Variants in CDYL observed in about 807,000 individuals in gnomAD.
CDYL encodes chromodomain Y-like protein.
Under a neutral mutation model 47.3 loss-of-function variants are expected in CDYL, and 8 were observed. The ratio of observed to expected loss-of-function variants is 0.17; its 90% CI spans 0.10 to 0.31. CDYL has a LOEUF of 0.31. Ranked by LOEUF, CDYL falls within the 10% of genes least tolerant of loss-of-function variation. The pLI, the probability that CDYL is intolerant of heterozygous loss-of-function variation, is 1.00. For missense variants in CDYL, 471 were observed against 701.4 expected (o/e 0.67, Z 3.71); for synonymous variants, 266 against 265.0 (o/e 1.00, Z -0.04).
intron 3 of CDYL, among the ~76,000 whole-genome samples, chr6:4,752,916 A>G (rs774039472): frequency 7.9e-5 from 12 of 151,158 alleles, no homozygotes; most frequent in Non-Finnish European, 1.3e-4. Flanking sequence ...AGGTAGATAG[A>G]TAGATAGATT....
intron 1 of CDYL, among the ~76,000 whole-genome samples, chr6:4,831,780 A>G (rs1462230689): frequency 6.6e-6 from 1 of 152,196 alleles, no homozygotes; most frequent in African/African-American, 2.4e-5. Flanking sequence ...CTCCTTGAAG[A>G]GACCCTTCAC....
In CDYL at chr6:4,954,091, G is replaced by A. The variant is rs550926778; in HGVS notation, c.*35G>A. ...TGCCCACTGGTGACACCGGGATCGGGCTGAGCAGGAGAACATCACCGGCTC... is the reference window on the plus strand; with the variant it reads ...TGCCCACTGGTGACACCGGGATCGGACTGAGCAGGAGAACATCACCGGCTC... On this transcript the variant is annotated 3_prime_UTR_variant, in exon 7 of 7. Coordinates refer to ENST00000397588, the MANE Select transcript of CDYL (RefSeq NM_004824.4). 2 of 1,598,500 alleles carry A rather than the reference G, an allele frequency of 1.3e-6. No individual in the cohort carries two copies. The highest frequency in any genetic ancestry group is 1.7e-6 in the Non-Finnish European group (2 of 1,170,234).
chr6:4,953,009 TCCAC>T (rs1409451889), intron 6 of CDYL, among the ~76,000 whole-genome samples: 1 of 150,980 alleles, frequency 6.6e-6, no homozygotes, highest in Non-Finnish European at 1.5e-5. Flanking sequence ...CTCAAGTTGA[TCCAC>T]CCACCTCAGC....
At chr6:4,912,734 G>A (rs976665782) in intron 2 of CDYL, among the ~76,000 whole-genome samples, 6 of 152,200 alleles carry the variant, frequency 3.9e-5, no homozygotes, top group African/African-American at 1.4e-4. Context: ...GAGCCTCTTT[G>A]CTGGTGAGGA....
intron 1 of CDYL, among the ~76,000 whole-genome samples, chr6:4,828,373 T>G (rs1489626664): frequency 6.7e-6 from 1 of 150,316 alleles, no homozygotes; most frequent in African/African-American, 2.4e-5. Flanking sequence ...ATCTCCTGCC[T>G]CAGCCTCCCA....
chr6:4,868,641 A>T (rs548563648), intron 1 of CDYL, among the ~76,000 whole-genome samples: 9 of 152,316 alleles, frequency 5.9e-5, no homozygotes, highest in African/African-American at 2.2e-4. Context: ...TATAAATTTC[A>T]GAATGAGTTG....
At chr6:4,747,837 C>G (rs6903287) in intron 3 of CDYL, among the ~76,000 whole-genome samples, 21,401 of 152,190 alleles carry the variant, frequency 0.14, 2,837 homozygotes, top group African/African-American at 0.35. Context: ...GACTTCTTCA[C>G]CATGTTCCCA....
intron 1 of CDYL, among the ~76,000 whole-genome samples, chr6:4,886,445 G>A (rs927751827): frequency 7.9e-5 from 12 of 152,288 alleles, no homozygotes; most frequent in Admixed American, 7.8e-4. Flanking sequence ...CCCGCATTGT[G>A]GTTGTGATGT....
chr6:4,870,796 G>A (rs146150711), intron 1 of CDYL, among the ~76,000 whole-genome samples: 74 of 151,982 alleles, frequency 4.9e-4, no homozygotes, highest in African/African-American at 1.4e-3. Flanking sequence ...GTCCATCATT[G>A]GATTTTTAAA....
chr6:4,891,935 ATC>A lies in CDYL; in HGVS notation c.250_251del (p.Ser84GlnfsTer9). On this transcript the variant is annotated frameshift_variant, in exon 2 of 7. Transcript: ENST00000397588. LOFTEE classifies it high-confidence loss of function. ...RTSPNNARKQISRSTNSNFSK... is the reference protein window; with the variant it reads ...RTSPNNARKQXSRSTNSNFSK... ...CTCTCCCAACAATGCTAGGAAACAA[ATC>A]TCCAGATCCACCAACAGCAACTTTT... 1 of 1,614,148 alleles carries A rather than the reference ATC, an allele frequency of 6.2e-7. No homozygotes were observed. Among genetic ancestry groups the A allele is most frequent in the East Asian group, 2.2e-5 (1 of 44,878 alleles).
At chr6:4,924,155 A>G (rs1757799908) in intron 2 of CDYL, among the ~76,000 whole-genome samples, 1 of 152,226 alleles carries the variant, frequency 6.6e-6, no homozygotes, top group Non-Finnish European at 1.5e-5. Context: ...AAGGTACATT[A>G]TCTCATTAAT....
At chr6:4,873,110 G>A (rs757068745) in intron 1 of CDYL, among the ~76,000 whole-genome samples, 14 of 152,268 alleles carry the variant, frequency 9.2e-5, no homozygotes, top group Non-Finnish European at 1.8e-4. Flanking sequence ...GATTCAATTT[G>A]TGATTTGTCA....
In CDYL at chr6:4,842,231, T is replaced by C. The variant is rs936497481; in HGVS notation, c.25-49482T>C. ...ATAATATATAATTATATATAAATAA[T>C]ACTAATATTAATATAAATAAAAATA... is the stretch of plus-strand genomic sequence containing the variant. On this transcript the variant is annotated intron_variant, in intron 1 of 6. Coordinates refer to ENST00000397588, the MANE Select transcript of CDYL (RefSeq NM_004824.4). Among the ~76,000 whole-genome samples the C allele has an allele frequency of 2.1e-5, 3 of 144,984 alleles. No homozygotes were observed. In the East Asian group the frequency reaches 5.9e-4, roughly 28 times the overall value.
chr6:4,723,822 A>G (rs1203380725), intron 2 of CDYL, among the ~76,000 whole-genome samples: 1 of 152,248 alleles, frequency 6.6e-6, no homozygotes, highest in East Asian at 1.9e-4. Flanking sequence ...TTTTAGGCAC[A>G]TACTGAGACA....
chr6:4,873,631 A>G (rs1405028601), intron 1 of CDYL, among the ~76,000 whole-genome samples: 1 of 152,206 alleles, frequency 6.6e-6, no homozygotes, highest in African/African-American at 2.4e-5. Flanking sequence ...ACATTAACTT[A>G]CATTTAACAC....
intron 2 of CDYL, among the ~76,000 whole-genome samples, chr6:4,902,071 A>G (rs60949901): frequency 0.024 from 3,615 of 152,182 alleles, 79 homozygotes; most frequent in East Asian, 0.088. Flanking sequence ...ATGAGAGGAT[A>G]CCCCAGGGGA....
chr6:4,883,831 C>T (rs192598436), intron 1 of CDYL, among the ~76,000 whole-genome samples: 257 of 152,270 alleles, frequency 1.7e-3, no homozygotes, highest in Non-Finnish European at 2.7e-3. Context: ...CTCCTAGAAG[C>T]ATAGTGACTT....
chr6:4,784,753 G>T (rs1012638915), intron 1 of CDYL, among the ~76,000 whole-genome samples: 1 of 152,112 alleles, frequency 6.6e-6, no homozygotes, highest in Admixed American at 6.6e-5. Context: ...TCCTCACCCA[G>T]ATCTCATTTG....
At chr6:4,885,955 C>A (rs148422445) in intron 1 of CDYL, among the ~76,000 whole-genome samples, 1 of 152,200 alleles carries the variant, frequency 6.6e-6, no homozygotes, top group Non-Finnish European at 1.5e-5. Flanking sequence ...AGTCTATTTT[C>A]TGTCTCTATA....
Sources: allele counts gnomAD v4.1 joint callset (sites outside exome capture counted in the v4.1 genomes callset), GRCh38; gene constraint gnomAD v4.1.1; transcripts MANE v1.5; gene names NCBI Gene and HGNC (gene_info 2026-07-23, HGNC 2026-07-21).